SLC25A26: variants seen among roughly 807,000 people sequenced by gnomAD.
SLC25A26 encodes the protein mitochondrial S-adenosylmethionine carrier protein.
In SLC25A26, 36 loss-of-function variants were observed where a neutral mutation model predicts 37.8. The ratio of observed to expected loss-of-function variants is 0.95; its 90% confidence interval spans 0.73 to 1.26. The LOEUF is 1.26. SLC25A26 is among the 50% of genes most tolerant of loss of function. SLC25A26 has a pLI of 0.00. For synonymous variants in SLC25A26, 129 were observed against 122.5 expected (o/e 1.05, Z -0.35); for missense variants, 390 against 331.1 (o/e 1.18, Z -1.38).
Position 66,305,338 on chromosome 3 carries a change from CATT to C in SLC25A26, c.454-41023_454-41021del, listed in dbSNP as rs772454229. ...TTCTAAGGTGTTTCTCTAAGAGTAA[CATT>C]ATGTAATTTAATCAGTGTTATAAAA... On this transcript the variant is annotated intron_variant, in intron 5 of 9. Coordinates refer to ENST00000354883, the MANE Select transcript of SLC25A26 (RefSeq NM_001379210.1). Among the ~76,000 whole-genome samples the C allele has an allele frequency of 3.5e-4, 53 of 152,198 alleles. 1 individual carries two copies. The highest frequency in any genetic ancestry group is 2.0e-4 in the Admixed American group (3 of 15,298).
At position 66,281,041 on chromosome 3, in the gene SLC25A26, A is replaced by G. The variant is rs980641221; in HGVS notation, c.453+17662A>G. Among the ~76,000 whole-genome samples, 12 of 152,292 alleles carry G rather than the reference A, an allele frequency of 7.9e-5. No individual in the cohort carries two copies. The East Asian group carries it at 1.9e-3, about 24-fold the overall frequency. On this transcript the variant is annotated intron_variant, in intron 5 of 9. Coordinates refer to ENST00000354883, the MANE Select transcript of SLC25A26 (RefSeq NM_001379210.1). ...GGATACAAGTGAACAAATACATTGCATTTGGTTGTCAGGGTCCCCAACCTT... is the reference window on the plus strand; with the variant it reads ...GGATACAAGTGAACAAATACATTGCGTTTGGTTGTCAGGGTCCCCAACCTT...
chr3:66,309,011 C>G (rs1196019976), intron 5 of SLC25A26, among the ~76,000 whole-genome samples: 2 of 152,078 alleles, frequency 1.3e-5, no homozygotes, highest in Non-Finnish European at 2.9e-5. Context: ...TTTGTTGTGT[C>G]TCTGTCAGGT....
chr3:66,301,458 A>G (rs1487183280), intron 5 of SLC25A26, among the ~76,000 whole-genome samples: 1 of 152,132 alleles, frequency 6.6e-6, no homozygotes, highest in Non-Finnish European at 1.5e-5. Flanking sequence ...ATGCCTTTTG[A>G]CTTCCATGCC....
rs1275195708 is a variant in SLC25A26 at position 66,360,505 on chromosome 3, T to TA, written c.499-2346dup. Among the ~76,000 whole-genome samples the TA allele has an allele frequency of 1.8e-3, 277 of 151,102 alleles. 2 individuals are homozygous for TA. The highest frequency in any genetic ancestry group is 6.0e-3 in the African/African-American group (246 of 41,192). ...TATGTCGAAAATTTGATGAGCTTTATAAAAAAAAAGCTATGAGGTTGGTAA... is the reference window on the plus strand; with the variant it reads ...TATGTCGAAAATTTGATGAGCTTTATAAAAAAAAAAGCTATGAGGTTGGTAA... On this transcript the variant is annotated intron_variant, in intron 6 of 9. Coordinates refer to ENST00000354883, the MANE Select transcript of SLC25A26 (RefSeq NM_001379210.1).
chr3:66,175,107 GTGTATATATATA>G (rs1390610925), intron 1 of SLC25A26, among the ~76,000 whole-genome samples: 10 of 80,542 alleles, frequency 1.2e-4, no homozygotes, highest in East Asian at 1.2e-3. Context: ...ATATGTGTGT[GTGTATATATATA>G]TATATATATA....
At chr3:66,298,025 C>T (rs920101788) in intron 5 of SLC25A26, among the ~76,000 whole-genome samples, 4 of 152,170 alleles carry the variant, frequency 2.6e-5, no homozygotes, top group Non-Finnish European at 5.9e-5. Context: ...AGTCCCTCCA[C>T]GAATAGCAGC....
intron 9 of SLC25A26, among the ~76,000 whole-genome samples, chr3:66,377,093 G>T (rs1490697590): frequency 6.6e-6 from 1 of 152,122 alleles, no homozygotes. Context: ...TCCCCAATTT[G>T]TATCCTCGTG....
chr3:66,287,079 G>A (rs1464679551), intron 5 of SLC25A26, among the ~76,000 whole-genome samples: 1 of 152,132 alleles, frequency 6.6e-6, no homozygotes, highest in East Asian at 1.9e-4. Context: ...GGCAGATCAC[G>A]AGGTCAGGAG....
intron 1 of SLC25A26, among the ~76,000 whole-genome samples, chr3:66,192,982 C>G (rs1000711367): frequency 6.6e-6 from 1 of 151,896 alleles, no homozygotes; most frequent in East Asian, 1.9e-4. Flanking sequence ...AGAAATATTC[C>G]CTTAATTAGA....
rs189013428 is a variant in SLC25A26, at chr3:66,307,392, T to G, written c.454-38972T>G. On this transcript the variant is annotated intron_variant, in intron 5 of 9. Transcript: ENST00000354883. ...TAAATTTATTTAAGTTCCTTGTAGA[T>G]TCTGGATATTAACCCTTTGTCAGAT... 6.8e-4 allele frequency among the ~76,000 whole-genome samples: 103 copies of G among 152,346 alleles called. No homozygotes were observed. The South Asian group carries it at 0.012, about 18-fold the overall frequency.
At chr3:66,249,067 G>A (rs1368868520) in intron 3 of SLC25A26, among the ~76,000 whole-genome samples, 1 of 152,184 alleles carries the variant, frequency 6.6e-6, no homozygotes, top group Non-Finnish European at 1.5e-5. Context: ...TGGGTGTGGT[G>A]TACCACTTGT....
chr3:66,330,731 A>G (rs138639608), intron 5 of SLC25A26, among the ~76,000 whole-genome samples: 204 of 152,250 alleles, frequency 1.3e-3, no homozygotes, highest in Middle Eastern at 6.8e-3. Context: ...TGCCCATTCA[A>G]AAAGTTAAAT....
At chr3:66,299,191 T>C (rs1041317420) in intron 5 of SLC25A26, among the ~76,000 whole-genome samples, 1 of 152,188 alleles carries the variant, frequency 6.6e-6, no homozygotes, top group South Asian at 2.1e-4. Flanking sequence ...AAAGAATACA[T>C]ACAACAAACT....
intron 1 of SLC25A26, among the ~76,000 whole-genome samples, chr3:66,176,156 G>A (rs989365404): frequency 2.6e-5 from 4 of 152,176 alleles, no homozygotes; most frequent in African/African-American, 9.7e-5. Flanking sequence ...ACCCTACCCA[G>A]TTGTTAGGGT....
At chr3:66,281,970 G>C (rs771221241) in intron 5 of SLC25A26, among the ~76,000 whole-genome samples, 2 of 137,638 alleles carry the variant, frequency 1.5e-5, no homozygotes, top group Admixed American at 1.5e-4. Context: ...TTACAGGCAC[G>C]CACCACCACA....
intron 5 of SLC25A26, among the ~76,000 whole-genome samples, chr3:66,283,521 G>C (rs966292705): frequency 6.6e-6 from 1 of 152,056 alleles, no homozygotes; most frequent in East Asian, 1.9e-4. Flanking sequence ...GGCTCAAGCA[G>C]TCTGCCTACC....
At chr3:66,311,562 A>T (rs1163794056) in intron 5 of SLC25A26, among the ~76,000 whole-genome samples, 4 of 151,998 alleles carry the variant, frequency 2.6e-5, no homozygotes, top group Middle Eastern at 3.2e-3. Flanking sequence ...CGTTTGGAGA[A>T]GAGGTATTCT....
At chr3:66,347,261 T>G (rs1414197278) in intron 6 of SLC25A26, among the ~76,000 whole-genome samples, 1 of 152,080 alleles carries the variant, frequency 6.6e-6, no homozygotes, top group Non-Finnish European at 1.5e-5. Context: ...CACAAGGAAC[T>G]GAAATGAATT....
chr3:66,169,660 A>G (rs930771022), intron 1 of SLC25A26, among the ~76,000 whole-genome samples: 3 of 152,206 alleles, frequency 2.0e-5, no homozygotes, highest in African/African-American at 7.2e-5. Context: ...GCCTAGAAAC[A>G]ATGTCAAATG....
Sources: allele counts gnomAD v4.1 joint callset (sites outside exome capture counted in the v4.1 genomes callset), GRCh38; gene constraint gnomAD v4.1.1; transcripts MANE v1.5; gene names NCBI Gene and HGNC (gene_info 2026-07-23, HGNC 2026-07-21).